The following CPLANE1 variants were observed in gnomAD, a reference collection of about 807,000 sequenced individuals.
The protein encoded by CPLANE1 is ciliogenesis and planar polarity effector 1.
CPLANE1 carries 263 observed loss-of-function variants against 362.5 expected under a neutral mutation model. That is an observed-to-expected ratio of 0.73 (90% CI 0.66 to 0.80). CPLANE1 has a LOEUF of 0.80. Among genes scored for constraint, CPLANE1 ranks in the 30% least tolerant of loss-of-function variants. The pLI is 0.00. For synonymous variants in CPLANE1, 1,212 were observed against 1,302.6 expected (o/e 0.93, Z 1.50); for missense variants, 3,461 against 3,793.4 (o/e 0.91, Z 2.30).
In CPLANE1 at chr5:37,158,273, A is replaced by G. The variant is rs1391160336; in HGVS notation, c.7763T>C (p.Met2588Thr). The G allele has an allele frequency of 2.5e-6, 4 of 1,613,978 alleles. No homozygotes were observed. Among genetic ancestry groups the G allele is most frequent in the Non-Finnish European group, 3.4e-6 (4 of 1,179,920 alleles). ...TGAGGGTGACCAAGGTTTCTCTGAC[A>G]TTTCACTGGAAAGCTTCAGATTTAG... ...VYLNLKLSSE[M>T]SEKPWSPSIP... Residue 2588 changes from methionine (M) to threonine (T), a missense_variant, in exon 39 of 53, where the codon ATG becomes ACG. By Grantham distance (81) the Met-to-Thr change is moderately conservative. This residue lies in a region of CPLANE1 where 3,380 missense variants were observed against 3,666.1 expected (regional missense o/e 0.92). Transcript: ENST00000651892.
intron 46 of CPLANE1, among the ~76,000 whole-genome samples, chr5:37,132,077 T>C (rs541770198): frequency 1.8e-4 from 28 of 152,288 alleles, no homozygotes; most frequent in African/African-American, 6.5e-4. Context: ...GGGTTTAACA[T>C]GGTCTTAATA....
At chr5:37,202,016 A>C (rs762976791) in intron 18 of CPLANE1, among the ~76,000 whole-genome samples, 1 of 152,212 alleles carries the variant, frequency 6.6e-6, no homozygotes, top group African/African-American at 2.4e-5. Context: ...TTTTTATACA[A>C]GATATTGTAG....
chr5:37,177,155 CT>C (rs1781398270), intron 30 of CPLANE1, among the ~76,000 whole-genome samples: 1 of 152,154 alleles, frequency 6.6e-6, no homozygotes, highest in African/African-American at 2.4e-5. Flanking sequence ...TGAAAACTGC[CT>C]TCAGCTCTCC....
rs6876576 is a variant in CPLANE1 at position 37,247,598 on chromosome 5, A to G, written c.81+20T>C. On this transcript the variant is annotated intron_variant, in intron 2 of 52. Transcript: ENST00000651892. The stretch of plus-strand genomic sequence containing the variant: ...ATAACATATATAAAACTGGTATTGC[A>G]TGAATAAAGAAAAACCTACCTTTCC... The G allele has an allele frequency of 4.5e-5, 70 of 1,546,796 alleles. No homozygotes were observed. The East Asian group carries it at 1.5e-3, about 34-fold the overall frequency.
chr5:37,201,817 T>C lies in CPLANE1; in HGVS notation c.3290-9A>G. The C allele has an allele frequency of 6.3e-7, 1 of 1,581,918 alleles. No homozygotes were observed. Among genetic ancestry groups the C allele is most frequent in the Non-Finnish European group, 8.6e-7 (1 of 1,159,096 alleles). On this transcript the variant is annotated splice_polypyrimidine_tract_variant and intron_variant, in intron 18 of 52. Coordinates refer to ENST00000651892, the MANE Select transcript of CPLANE1 (RefSeq NM_001384732.1). ...TTCCTCTTCAATGGGATCTATCAAA[T>C]ACAAAAATTTGGTAAAATAGTTAAA... is the stretch of plus-strand genomic sequence containing the variant.
chr5:37,228,168 A>G (rs1283554655), intron 9 of CPLANE1, among the ~76,000 whole-genome samples: 2 of 152,164 alleles, frequency 1.3e-5, no homozygotes, highest in African/African-American at 2.4e-5. Flanking sequence ...ATATGCTTAC[A>G]CAAATAAAAT....
At chr5:37,240,718 A>T (rs1368060423) in intron 6 of CPLANE1, among the ~76,000 whole-genome samples, 2 of 152,212 alleles carry the variant, frequency 1.3e-5, no homozygotes, top group Non-Finnish European at 2.9e-5. Context: ...GGGGACGAAC[A>T]TCCAAACTAT....
In CPLANE1 at chr5:37,148,253, G is replaced by A. The variant is rs1375375538; in HGVS notation, c.8389C>T (p.His2797Tyr). The change falls in exon 43 of 53, where the codon CAC (histidine) becomes TAC (tyrosine). Residue 2797 changes from histidine to tyrosine, a missense_variant. Physicochemically the swap from His to Tyr is moderately conservative, Grantham distance 83. Around this residue, in one of 2 missense-constraint regions of CPLANE1, gnomAD observed 3,380 missense variants for 3,666.1 expected, o/e 0.92. Transcript: ENST00000651892. The part of the protein sequence containing the change: ...LHCDKIGPVD[H>Y]IEFSSGPEFK... ...TCAGGGCCAGAAGAGAATTCAATGTGATCCACTGGTCCAATCTGTAGAAAA... is the reference window on the plus strand; with the variant it reads ...TCAGGGCCAGAAGAGAATTCAATGTAATCCACTGGTCCAATCTGTAGAAAA... 6 of 1,609,494 alleles carry A rather than the reference G, an allele frequency of 3.7e-6. No individual in the cohort carries two copies. Among genetic ancestry groups the A allele is most frequent in the Non-Finnish European group, 4.2e-6 (5 of 1,177,122 alleles).
At chr5:37,101,436 C>T (rs993234294), downstream of CPLANE1, among the ~76,000 whole-genome samples, 2 of 152,128 alleles carry the variant, frequency 1.3e-5, no homozygotes, top group African/African-American at 4.8e-5. Flanking sequence ...AATGGTGCAT[C>T]CCAGGGAGGA....
At chr5:37,151,603 G>A (rs905934223) in intron 42 of CPLANE1, among the ~76,000 whole-genome samples, 7 of 152,094 alleles carry the variant, frequency 4.6e-5, no homozygotes, top group Admixed American at 3.9e-4. Flanking sequence ...GACTAGATTC[G>A]GGTATAAATC....
intron 20 of CPLANE1, among the ~76,000 whole-genome samples, chr5:37,196,554 T>C (rs1168844534): frequency 1.3e-5 from 2 of 152,072 alleles, no homozygotes; most frequent in Non-Finnish European, 2.9e-5. Flanking sequence ...AATCTCCTCA[T>C]CCCTAAAATT....
At position 37,121,763 on chromosome 5, in the gene CPLANE1, A is replaced by G. The variant is rs1030945020; in HGVS notation, c.9039T>C (p.Tyr3013=). The change falls in exon 49 of 53, where the codon TAT becomes TAC. Residue 3013 remains tyrosine (Y), a synonymous_variant. Coordinates refer to ENST00000651892, the MANE Select transcript of CPLANE1 (RefSeq NM_001384732.1). ...EKDRLLLSEH[Y]SRRISQAYGL... ...CGTACGCTTGTGAGATTCGACGACT[A>G]TAGTGTTCAGAGAGCAGCAATCTGT... 6 of 1,613,856 alleles carry G rather than the reference A, an allele frequency of 3.7e-6. No individual in the cohort carries two copies. Among genetic ancestry groups the G allele is most frequent in the Middle Eastern group, 1.6e-4 (1 of 6,082 alleles).
At chr5:37,243,770 A>G (rs1738506604) in intron 5 of CPLANE1, among the ~76,000 whole-genome samples, 2 of 147,292 alleles carry the variant, frequency 1.4e-5, no homozygotes, top group South Asian at 4.2e-4. Flanking sequence ...TATAATATAT[A>G]CATGTTATAT....
chr5:37,216,895 T>A (rs1327010949), intron 15 of CPLANE1, among the ~76,000 whole-genome samples: 1 of 152,214 alleles, frequency 6.6e-6, no homozygotes, highest in Non-Finnish European at 1.5e-5. Context: ...TCTATCTTGT[T>A]CACTGTATGT....
intron 34 of CPLANE1, among the ~76,000 whole-genome samples, 155 bp from the exon 35 acceptor site, chr5:37,167,368 G>A (rs1193612246): frequency 1.3e-5 from 2 of 152,198 alleles, no homozygotes; most frequent in Non-Finnish European, 1.5e-5. Flanking sequence ...CTGGCAATAT[G>A]AGTATACATA....
At chr5:37,124,321 A>C (rs1763561014) in intron 47 of CPLANE1, among the ~76,000 whole-genome samples, 1 of 152,160 alleles carries the variant, frequency 6.6e-6, no homozygotes, top group South Asian at 2.1e-4. Context: ...GTGACTATCA[A>C]AGTAATAGTG....
intron 3 of CPLANE1, 39 bp from the exon 4 acceptor site, chr5:37,245,637 AT>A (rs1359923309): frequency 1.3e-6 from 2 of 1,496,564 alleles, no homozygotes; most frequent in African/African-American, 2.8e-5. Context: ...ACAATCTAGT[AT>A]TTCCTTTAAC....
intron 16 of CPLANE1, chr5:37,211,030 A>G: frequency 1.2e-6 from 1 of 804,370 alleles, no homozygotes; most frequent in Admixed American, 1.7e-5. Flanking sequence ...CTAGAGAATG[A>G]AGTGTACTGC....
chr5:37,098,030 T>C, the CPLANE1 span, among the ~76,000 whole-genome samples: 2 of 152,088 alleles, frequency 1.3e-5, no homozygotes, highest in Admixed American at 6.6e-5. Flanking sequence ...CCCAGATATA[T>C]AAAGCAAACA....
Sources: allele counts gnomAD v4.1 joint callset (sites outside exome capture counted in the v4.1 genomes callset), GRCh38; gene constraint gnomAD v4.1.1; regional missense constraint gnomAD v4.1.1; transcripts MANE v1.5; gene names NCBI Gene and HGNC (gene_info 2026-07-23, HGNC 2026-07-21).